MYPN: variants seen among roughly 807,000 people sequenced by gnomAD.
MYPN encodes myopalladin, also known as sarcomeric protein myopalladin, 145 kDa (MYOP).
A neutral mutation model predicts 129.4 loss-of-function variants in MYPN; 63 were observed. The ratio of observed to expected loss-of-function variants is 0.49; its 90% CI spans 0.40 to 0.60. The LOEUF (loss-of-function observed/expected upper bound fraction) is 0.60, where lower values mean the gene tolerates loss of function less well. Among genes scored for constraint, MYPN ranks in the 20% least tolerant of loss-of-function variants. The pLI, the probability that MYPN is intolerant of heterozygous loss-of-function variation, is 0.00. For synonymous variants in MYPN, 629 were observed against 600.9 expected, an observed-to-expected ratio of 1.05 and a Z score of -0.68; for missense variants, 1,596 against 1,635.4, an observed-to-expected ratio of 0.98 and a Z score of 0.42.
chr10:68,166,552 C>A lies in MYPN; in HGVS notation c.1859C>A (p.Thr620Asn). Residue 620 changes from threonine (T) to asparagine (N), a missense_variant, in exon 10 of 20, where the codon ACC (threonine) becomes AAC (asparagine). Transcript: ENST00000358913. ...EASSEAGVVTTRQTRPDSFQE... is the reference protein window; with the variant it reads ...EASSEAGVVTNRQTRPDSFQE... ...TCCTCCGAGGCTGGTGTGGTGACCA[C>A]CAGACAGACCAGGCCCGATTCTTTC... 6.2e-7 allele frequency: 1 copy of A among 1,614,156 alleles called. No individual in the cohort carries two copies.
At chr10:68,209,066 A>G (rs537261823) in intron 19 of MYPN, among the ~76,000 whole-genome samples, 1 of 152,282 alleles carries the variant, frequency 6.6e-6, no homozygotes, top group African/African-American at 2.4e-5. Flanking sequence ...CAAGATGATG[A>G]AATCAACAAA....
At chr10:68,141,066 C>T (rs2042569106) in intron 2 of MYPN, among the ~76,000 whole-genome samples, 2 of 151,344 alleles carry the variant, frequency 1.3e-5, no homozygotes, top group African/African-American at 4.9e-5. Context: ...GAGACCCTTC[C>T]TCCACCACCC....
chr10:68,197,305 G>A, intron 15 of MYPN, 47 bp from the exon 16 acceptor site: 2 of 1,600,220 alleles, frequency 1.2e-6, no homozygotes, highest in Non-Finnish European at 1.7e-6. Flanking sequence ...TCATAAGTTT[G>A]TAAATTTATT....
At chr10:68,210,165 A>C (rs1482659993) in intron 19 of MYPN, 121 bp from the exon 20 acceptor site, 11 of 1,096,472 alleles carry the variant, frequency 1.0e-5, no homozygotes, top group Non-Finnish European at 1.3e-5. Context: ...ACCCAGGTAT[A>C]GTTATATGCT....
chr10:68,125,221 T>G (rs1425353303), intron 2 of MYPN, among the ~76,000 whole-genome samples: 2 of 152,138 alleles, frequency 1.3e-5, no homozygotes, highest in South Asian at 2.1e-4. Flanking sequence ...AACTAAAAAT[T>G]TGCAAATCTT....
Position 68,211,640 on chromosome 10 carries a change from C to T in MYPN, c.*1185C>T. The T allele has an allele frequency of 2.2e-6, 1 of 454,126 alleles. No individual in the cohort carries two copies. The highest frequency in any genetic ancestry group is 4.4e-6 in the Non-Finnish European group (1 of 226,794). 28.1% of individuals were successfully genotyped at this position (454,126 alleles called of 1,614,324 possible). ...TAGACTTAAGTTCACTGTGATATCCCTAGTACCTAGAAGAGTACCTAGCAC... is the reference window on the plus strand; with the variant it reads ...TAGACTTAAGTTCACTGTGATATCCTTAGTACCTAGAAGAGTACCTAGCAC... On this transcript the variant is annotated 3_prime_UTR_variant, in exon 20 of 20. Coordinates refer to ENST00000358913, the MANE Select transcript of MYPN (RefSeq NM_032578.4).
intron 10 of MYPN, among the ~76,000 whole-genome samples, chr10:68,172,934 A>G (rs140971428): frequency 0.026 from 3,929 of 152,112 alleles, 90 homozygotes; most frequent in African/African-American, 0.058. Context: ...TTAGCCGGGC[A>G]TGGTGGCAGA....
intron 1 of MYPN, among the ~76,000 whole-genome samples, chr10:68,112,977 A>G (rs946717263): frequency 1.3e-5 from 2 of 152,216 alleles, no homozygotes; most frequent in Non-Finnish European, 2.9e-5. Flanking sequence ...GAACTTCTCC[A>G]AAAGAACTGA....
At chr10:68,115,442 A>C (rs2042143843) in intron 1 of MYPN, among the ~76,000 whole-genome samples, 1 of 152,030 alleles carries the variant, frequency 6.6e-6, no homozygotes, top group Admixed American at 6.6e-5. Context: ...TTTCTTTCAC[A>C]TCCCACTTTT....
chr10:68,173,453 C>T (rs958908533), intron 10 of MYPN, among the ~76,000 whole-genome samples: 10 of 151,994 alleles, frequency 6.6e-5, no homozygotes, highest in African/African-American at 1.7e-4. Context: ...ACTCCAAGGT[C>T]GCAATACAAA....
chr10:68,175,290 C>A, intron 11 of MYPN, 33 bp from the exon 12 acceptor site: 1 of 1,613,490 alleles, frequency 6.2e-7, no homozygotes, highest in South Asian at 1.1e-5. Context: ...CAGTGCTTTT[C>A]ATGGGTGTGT....
chr10:68,195,555 C>T, intron 15 of MYPN, 23 bp downstream of exon 15: 2 of 1,595,570 alleles, frequency 1.3e-6, no homozygotes, highest in Non-Finnish European at 1.7e-6. Flanking sequence ...AGAATTCCCC[C>T]TCTCTAGGCC....
intron 19 of MYPN, 36 bp downstream of exon 19, chr10:68,206,939 A>G (rs2043826230): frequency 1.2e-6 from 2 of 1,613,688 alleles, no homozygotes; most frequent in Non-Finnish European, 1.7e-6. Context: ...ATCTGTATGC[A>G]ACTGACAGCT....
chr10:68,140,815 G>A (rs564945765), intron 2 of MYPN, among the ~76,000 whole-genome samples: 1 of 152,330 alleles, frequency 6.6e-6, no homozygotes, highest in South Asian at 2.1e-4. Context: ...GCTCATTCCT[G>A]TAATCCCAGC....
chr10:68,114,342 T>C (rs1287034641), intron 1 of MYPN: 1 of 130,740 alleles, frequency 7.6e-6, no homozygotes, highest in Non-Finnish European at 1.6e-5. Flanking sequence ...CTCTCTTTTT[T>C]TTTTCTTTTT....
Position 68,175,453 on chromosome 10 carries a change from A to C in MYPN, c.2695A>C (p.Asn899His), listed in dbSNP as rs774900760. ...KKITFSDVRP[N>H]QQEYKISSFE... is the part of the protein sequence containing the mutation. Reference sequence around the variant, plus strand: ...AATAACTTTCAGTGATGTCAGACCAAACCAGCAGGTAAGATTGTTGGATTT... The same window carrying C: ...AATAACTTTCAGTGATGTCAGACCACACCAGCAGGTAAGATTGTTGGATTT... The change falls in exon 12 of 20, where the codon AAC becomes CAC. Residue 899 changes from asparagine (N) to histidine (H), a missense_variant. Asn to His is a moderately conservative substitution (Grantham distance 68). Transcript: ENST00000358913. 2.5e-6 allele frequency: 4 copies of C among 1,614,022 alleles called. No individual in the cohort carries two copies. In the African/African-American group the frequency reaches 4.0e-5, roughly 16 times the overall value.
At position 68,166,209 on chromosome 10, in the gene MYPN, G is replaced by C. The variant is rs373281134; in HGVS notation, c.1601-85G>C. On this transcript the variant is annotated intron_variant, in intron 9 of 19. Transcript: ENST00000358913. ...CATTTTCCCATTCATACATTCCTCT[G>C]GTGTGAACACTTTCCCATTTGTGCA... is the stretch of plus-strand genomic sequence containing the variant. The C allele has an allele frequency of 2.1e-5, 32 of 1,498,656 alleles. No individual in the cohort carries two copies. In the African/African-American group the frequency reaches 2.9e-4, roughly 14 times the overall value. The allele number at this position is 1,498,656 out of a possible 1,614,324, so 92.8% of individuals were successfully genotyped here.
At chr10:68,149,944 G>T in intron 5 of MYPN, 96 bp from the exon 6 acceptor site, 1 of 1,134,422 alleles carries the variant, frequency 8.8e-7, no homozygotes, top group Non-Finnish European at 1.3e-6. Flanking sequence ...GGTTTGGGAT[G>T]CATTTCATAT....
rs2041946413 is a variant in MYPN, at chr10:68,094,451, G to A, written c.-2+6459G>A. 4.0e-5 allele frequency among the ~76,000 whole-genome samples: 6 copies of A among 151,446 alleles called. No homozygotes were observed. In the South Asian group the frequency reaches 1.3e-3, roughly 32 times the overall value. On this transcript the variant is annotated intron_variant, in intron 1 of 6. Coordinates refer to the MYPN transcript ENST00000685154. ...CAATATTTGTATTTTTAGTAGAGAC[G>A]GGGTTTCACCATGTTGGCCAGTCTG...
Sources: gnomAD v4.1 joint callset for allele counts (sites outside exome capture counted in the v4.1 genomes callset) on GRCh38, gnomAD v4.1.1 for gene constraint, MANE v1.5 for transcripts, NCBI Gene and HGNC (gene_info 2026-07-23, HGNC 2026-07-21) for gene names.